COL8A1: variants seen among roughly 807,000 people sequenced by gnomAD.
The protein encoded by COL8A1 is collagen alpha-1(VIII) chain.
A neutral mutation model predicts 42.7 loss-of-function variants in COL8A1; 21 were observed. The ratio of observed to expected loss-of-function variants is 0.49; its 90% confidence interval spans 0.35 to 0.71. The LOEUF (loss-of-function observed/expected upper bound fraction) is 0.71. Among genes scored for constraint, COL8A1 ranks in the 30% least tolerant of loss-of-function variants. The pLI is 0.01. For synonymous variants in COL8A1, 367 were observed against 369.1 expected (o/e 0.99, Z 0.06); for missense variants, 788 against 962.4 (o/e 0.82, Z 2.40).
intron 2 of COL8A1, among the ~76,000 whole-genome samples, chr3:99,757,067 GTCT>G (rs1274913545): frequency 6.6e-6 from 1 of 152,170 alleles, no homozygotes; most frequent in Non-Finnish European, 1.5e-5. Flanking sequence ...GGACTTTTCT[GTCT>G]TCTTGCTGTA....
At chr3:99,761,896 G>A (rs1941372239) in intron 2 of COL8A1, among the ~76,000 whole-genome samples, 1 of 152,104 alleles carries the variant, frequency 6.6e-6, no homozygotes, top group Admixed American at 6.6e-5. Flanking sequence ...ATGCTGCTCA[G>A]AAGCCCCCAG....
chr3:99,721,948 G>T lies in COL8A1; in HGVS notation c.-128-22949G>T, dbSNP rs116250772. ...TGTGCCCTTTTCTGCTTAATTCAAA[G>T]TTCAGCAAAAGTTTAAAAGGAAATG... On this transcript the variant is annotated intron_variant, in intron 1 of 3. Transcript: ENST00000652472. 2.0e-3 allele frequency among the ~76,000 whole-genome samples: 303 copies of T among 151,816 alleles called. 2 individuals are homozygous for T. Among genetic ancestry groups the T allele is most frequent in the African/African-American group, 7.2e-3 (298 of 41,420 alleles).
At chr3:99,643,383 GT>G (rs971087183) in intron 1 of COL8A1, among the ~76,000 whole-genome samples, 2 of 152,310 alleles carry the variant, frequency 1.3e-5, no homozygotes, top group African/African-American at 4.8e-5. Flanking sequence ...GGGATGGTAT[GT>G]TTTTAACCAG....
chr3:99,719,241 C>G (rs1431724465), intron 1 of COL8A1, among the ~76,000 whole-genome samples: 1 of 152,046 alleles, frequency 6.6e-6, no homozygotes, highest in Non-Finnish European at 1.5e-5. Context: ...CTTAAAAAGA[C>G]TCTCCATAGT....
intron 2 of COL8A1, among the ~76,000 whole-genome samples, chr3:99,766,844 G>A (rs1438857381): frequency 1.3e-5 from 2 of 152,082 alleles, no homozygotes; most frequent in African/African-American, 2.4e-5. Flanking sequence ...AGCTACTCGG[G>A]AGTCTGAGGC....
chr3:99,772,732 C>A (rs1397019354), intron 2 of COL8A1, among the ~76,000 whole-genome samples: 1 of 152,108 alleles, frequency 6.6e-6, no homozygotes, highest in Admixed American at 6.5e-5. Flanking sequence ...TAACCCCAAG[C>A]AGCATGATGG....
chr3:99,658,944 A>C (rs1938115525), intron 1 of COL8A1, among the ~76,000 whole-genome samples: 1 of 152,146 alleles, frequency 6.6e-6, no homozygotes. Flanking sequence ...ATGATTCCAC[A>C]TCCCCACTAG....
chr3:99,693,739 A>G (rs1211194624), intron 1 of COL8A1, among the ~76,000 whole-genome samples: 2 of 152,290 alleles, frequency 1.3e-5, no homozygotes, highest in East Asian at 3.9e-4. Context: ...AAGAAAAATA[A>G]TGTTTATAAA....
At chr3:99,703,367 C>A (rs1939594980) in intron 1 of COL8A1, 1 of 152,136 alleles carries the variant, frequency 6.6e-6, no homozygotes. Flanking sequence ...GGAGAACAGC[C>A]CTGGCAGCCG....
intron 2 of COL8A1, among the ~76,000 whole-genome samples, chr3:99,757,829 T>C (rs1281532265): frequency 6.6e-6 from 1 of 152,154 alleles, no homozygotes; most frequent in African/African-American, 2.4e-5. Context: ...TTTTACAGCA[T>C]AGAATCTAGA....
At chr3:99,672,321 T>C (rs1938570325) in intron 1 of COL8A1, among the ~76,000 whole-genome samples, 1 of 152,052 alleles carries the variant, frequency 6.6e-6, no homozygotes, top group Non-Finnish European at 1.5e-5. Context: ...CTTTGATTCA[T>C]ATTTTGGTAC....
chr3:99,746,411 C>T (rs1941026203), intron 2 of COL8A1, among the ~76,000 whole-genome samples: 1 of 152,134 alleles, frequency 6.6e-6, no homozygotes, highest in Admixed American at 6.5e-5. Flanking sequence ...TCAGAGTAAG[C>T]CTCTGAACTC....
At chr3:99,739,034 C>T (rs1171586389) in intron 1 of COL8A1, among the ~76,000 whole-genome samples, 2 of 152,198 alleles carry the variant, frequency 1.3e-5, no homozygotes, top group African/African-American at 4.8e-5. Context: ...AGGGAACTCC[C>T]TGACCCCTTG....
intron 2 of COL8A1, among the ~76,000 whole-genome samples, chr3:99,762,283 A>G (rs1048243960): frequency 1.3e-5 from 2 of 152,174 alleles, no homozygotes; most frequent in Non-Finnish European, 1.5e-5. Context: ...TTTAATGTGT[A>G]TCTATGTTAA....
At chr3:99,742,119 G>C (rs1293198066) in intron 1 of COL8A1, among the ~76,000 whole-genome samples, 1 of 151,944 alleles carries the variant, frequency 6.6e-6, no homozygotes. Flanking sequence ...AATATATTTA[G>C]AACAATAATT....
intron 2 of COL8A1, among the ~76,000 whole-genome samples, chr3:99,760,807 C>T (rs1941352983): frequency 6.6e-6 from 1 of 152,180 alleles, no homozygotes; most frequent in Admixed American, 6.6e-5. Context: ...TTTGGCTCAG[C>T]ACAGAGGGTA....
intron 1 of COL8A1, among the ~76,000 whole-genome samples, chr3:99,643,419 G>C (rs1201580238): frequency 6.6e-6 from 1 of 152,174 alleles, no homozygotes; most frequent in Non-Finnish European, 1.5e-5. Context: ...CATAGTAGCT[G>C]CTCAGTAAAT....
chr3:99,767,291 G>C (rs13079346), intron 2 of COL8A1, among the ~76,000 whole-genome samples: 43 of 152,130 alleles, frequency 2.8e-4, no homozygotes, highest in African/African-American at 1.0e-3. Flanking sequence ...TCAGACACAA[G>C]GTTTTCATTT....
intron 2 of COL8A1, among the ~76,000 whole-genome samples, chr3:99,770,813 A>C (rs1447122815): frequency 6.6e-6 from 1 of 152,226 alleles, no homozygotes; most frequent in Non-Finnish European, 1.5e-5. Context: ...TGCAGAGTTT[A>C]AAAACATGGC....
Sources: gnomAD v4.1 joint callset for allele counts (sites outside exome capture counted in the v4.1 genomes callset) on GRCh38, gnomAD v4.1.1 for gene constraint, MANE v1.5 for transcripts, NCBI Gene and HGNC (gene_info 2026-07-23, HGNC 2026-07-21) for gene names.